The following CACNG2 variants were observed in gnomAD, a reference collection of about 807,000 sequenced individuals.
CACNG2 encodes calcium voltage-gated channel auxiliary subunit gamma 2.
Under a neutral mutation model 25.9 loss-of-function variants are expected in CACNG2, and 3 were observed. The observed-to-expected ratio is 0.12, with a 90% CI of 0.05 to 0.30. The LOEUF is 0.30. Among genes scored for constraint, CACNG2 ranks in the 10% least tolerant of loss-of-function variants. The pLI, the probability that CACNG2 is intolerant of heterozygous loss-of-function variation, is 1.00. For missense variants in CACNG2, 341 were observed against 432.5 expected (o/e 0.79, Z 1.88); for synonymous variants, 167 against 173.3 (o/e 0.96, Z 0.29).
At position 36,594,667 on chromosome 22, in the gene CACNG2, G is replaced by C. The variant is rs116118862; in HGVS notation, c.212-7119C>G. 5.4e-3 allele frequency among the ~76,000 whole-genome samples: 828 copies of C among 152,150 alleles called. 11 individuals carry two copies. The highest frequency in any genetic ancestry group is 0.019 in the African/African-American group (806 of 41,488). On this transcript the variant is annotated intron_variant, in intron 1 of 3. Transcript: ENST00000300105. ...AGTCAGCCTGATGAAGCAGGGAGGGGTCCGTGTATGCCCGCGTGTGTGTCT... is the reference window on the plus strand; with the variant it reads ...AGTCAGCCTGATGAAGCAGGGAGGGCTCCGTGTATGCCCGCGTGTGTGTCT...
intron 2 of CACNG2, among the ~76,000 whole-genome samples, chr22:36,571,856 G>A (rs553428244): frequency 7.8e-4 from 115 of 146,644 alleles, no homozygotes; most frequent in African/African-American, 2.7e-3. Flanking sequence ...CAGCCTGGGC[G>A]TCACAGCAAG....
intron 1 of CACNG2, among the ~76,000 whole-genome samples, chr22:36,588,113 G>GC (rs1322097829): frequency 6.6e-6 from 1 of 152,176 alleles, no homozygotes; most frequent in Non-Finnish European, 1.5e-5. Flanking sequence ...AGGAAGTTGA[G>GC]CCCCCTGGGG....
At chr22:36,634,497 T>A (rs1936325199) in intron 1 of CACNG2, among the ~76,000 whole-genome samples, 1 of 152,210 alleles carries the variant, frequency 6.6e-6, no homozygotes, top group South Asian at 2.1e-4. Context: ...TAAACTTCTA[T>A]GAATCGAGCC....
chr22:36,564,964 C>CGTAAAGGACGGGGACAGCT lies in CACNG2; in HGVS notation c.437-97_437-79dup. 7.4e-7 allele frequency: 1 copy of CGTAAAGGACGGGGACAGCT among 1,356,820 alleles called. No individual in the cohort carries two copies. Among genetic ancestry groups the CGTAAAGGACGGGGACAGCT allele is most frequent in the Non-Finnish European group, 1.0e-6 (1 of 961,122 alleles). 84.0% of individuals were successfully genotyped at this position (1,356,820 alleles called of 1,614,324 possible). On this transcript the variant is annotated intron_variant, in intron 3 of 3. Transcript: ENST00000300105. The surrounding 1 kb of genome is among the most constrained non-coding windows in gnomAD (Gnocchi z 6.7). ...CTCAGGAAGTCGGCCACAGGGCAGC[C>CGTAAAGGACGGGGACAGCT]GTAAAGGACGGGGACAGCTGTGTGG... is the stretch of plus-strand genomic sequence containing the variant.
rs755164929 is a variant in CACNG2, at chr22:36,564,499, C to T, written c.824G>A (p.Arg275Lys). Residue 275 changes from arginine (R) to lysine (K), a missense_variant, in exon 4 of 4, where the codon AGG becomes AAG. Arg to Lys is a conservative substitution (Grantham distance 26). Around this residue, in one of 2 missense-constraint regions of CACNG2, gnomAD observed 172 missense variants for 178.1 expected, o/e 0.97. Coordinates refer to ENST00000300105, the MANE Select transcript of CACNG2 (RefSeq NM_006078.5). The surrounding 1 kb of genome is among the most constrained non-coding windows in gnomAD (Gnocchi z 6.7). ...CGTGGTGGCGGCCTTCAGGGGGTCCCTGCTGAGCGTGTACATGGAGATCTC... is the reference window on the plus strand; with the variant it reads ...CGTGGTGGCGGCCTTCAGGGGGTCCTTGCTGAGCGTGTACATGGAGATCTC... ...STEISMYTLS[R>K]DPLKAATTPT... The T allele has an allele frequency of 1.9e-6, 3 of 1,614,008 alleles. No homozygotes were observed. The highest frequency in any genetic ancestry group is 2.5e-6 in the Non-Finnish European group (3 of 1,179,996).
intron 1 of CACNG2, among the ~76,000 whole-genome samples, chr22:36,629,909 A>G (rs1936242504): frequency 6.6e-6 from 1 of 152,198 alleles, no homozygotes; most frequent in Non-Finnish European, 1.5e-5. Context: ...ACAGGAAGGA[A>G]TAATGTGATG....
In CACNG2 at chr22:36,673,174, C is replaced by T. The variant is rs143039458; in HGVS notation, c.211+29192G>A. ...CCAGGAAGTGGAGGCTGCAGTGAGCCAGGATTGTGCCACTGCACTCCAGCC... is the reference window on the plus strand; with the variant it reads ...CCAGGAAGTGGAGGCTGCAGTGAGCTAGGATTGTGCCACTGCACTCCAGCC... On this transcript the variant is annotated intron_variant, in intron 1 of 3. Transcript: ENST00000300105. Among the ~76,000 whole-genome samples the T allele has an allele frequency of 3.2e-3, 481 of 152,258 alleles. 4 individuals are homozygous for T. The highest frequency in any genetic ancestry group is 0.011 in the African/African-American group (457 of 41,546).
chr22:36,616,093 C>T (rs1456033163), intron 1 of CACNG2, among the ~76,000 whole-genome samples: 1 of 152,108 alleles, frequency 6.6e-6, no homozygotes, highest in Admixed American at 6.5e-5. Flanking sequence ...ATCTCGTGTC[C>T]CTTGAGTGAC....
At chr22:36,655,202 CTT>C (rs1359873200) in intron 1 of CACNG2, among the ~76,000 whole-genome samples, 1 of 152,122 alleles carries the variant, frequency 6.6e-6, no homozygotes, top group African/African-American at 2.4e-5. Context: ...ATATGTGACT[CTT>C]TGCAGAACTG....
intron 1 of CACNG2, among the ~76,000 whole-genome samples, chr22:36,646,750 C>T (rs188405110): frequency 1.3e-5 from 2 of 151,792 alleles, no homozygotes; most frequent in East Asian, 3.9e-4. Flanking sequence ...TCCCCCTGGG[C>T]TCCCCACAAC....
rs150567528 is a variant in CACNG2, at chr22:36,577,120, A to G, written c.295+10345T>C. Among the ~76,000 whole-genome samples the G allele has an allele frequency of 7.0e-3, 1,062 of 152,244 alleles. 15 individuals carry two copies. Among genetic ancestry groups the G allele is most frequent in the African/African-American group, 0.024 (988 of 41,528 alleles). On this transcript the variant is annotated intron_variant, in intron 2 of 3. Coordinates refer to ENST00000300105, the MANE Select transcript of CACNG2 (RefSeq NM_006078.5). Reference sequence around the variant, plus strand: ...GCCCCCTCTGCCATATGGAGATCACAAGCACACTTAGCTCACAGGGTGCTA... The same window carrying G: ...GCCCCCTCTGCCATATGGAGATCACGAGCACACTTAGCTCACAGGGTGCTA...
intron 1 of CACNG2, among the ~76,000 whole-genome samples, chr22:36,660,032 C>T (rs1050611701): frequency 6.6e-6 from 1 of 152,240 alleles, no homozygotes; most frequent in Admixed American, 6.5e-5. Flanking sequence ...GGACAATCCC[C>T]CCACGACTCT....
chr22:36,644,889 C>T (rs1383847152), intron 1 of CACNG2, among the ~76,000 whole-genome samples: 3 of 152,038 alleles, frequency 2.0e-5, no homozygotes, highest in South Asian at 2.1e-4. Flanking sequence ...TCTAGGATGA[C>T]GAACCTGGCA....
At chr22:36,607,905 C>A (rs1935869227) in intron 1 of CACNG2, among the ~76,000 whole-genome samples, 1 of 152,218 alleles carries the variant, frequency 6.6e-6, no homozygotes, top group African/African-American at 2.4e-5. Flanking sequence ...CCATTTCACT[C>A]TGGACAGCAG....
rs1304757528 is a variant in CACNG2, at chr22:36,582,402, C to CT, written c.295+5062dup. ...CCTTTGCACTTGCTGTTTGCTCTTT[C>CT]TTTCTTTCTTTTTTTTTTTTGAGAC... On this transcript the variant is annotated intron_variant, in intron 2 of 3. Transcript: ENST00000300105. Among the ~76,000 whole-genome samples the CT allele has an allele frequency of 8.1e-5, 11 of 136,220 alleles. 2 individuals carry two copies. The highest frequency in any genetic ancestry group is 8.0e-5 in the Non-Finnish European group (5 of 62,546). 89.4% of individuals were successfully genotyped at this position (136,220 alleles called of 152,430 possible). A position where few individuals can be genotyped will look rare whatever the true frequency, so the allele number is the denominator to read the frequency against.
chr22:36,700,865 C>A (rs1371451880), intron 1 of CACNG2, among the ~76,000 whole-genome samples: 1 of 152,182 alleles, frequency 6.6e-6, no homozygotes, highest in South Asian at 2.1e-4. Context: ...AATAGACCAT[C>A]GCTCAATGAA....
Position 36,568,130 on chromosome 22 carries a change from G to A in CACNG2, c.296-1637C>T, listed in dbSNP as rs534633135. On this transcript the variant is annotated intron_variant, in intron 2 of 3. Transcript: ENST00000300105. ...CCCAAAGTGCTGGGATTACAGGCTT[G>A]AGCCACCGTGCCTGGCCAAAGATGT... 5.3e-5 allele frequency among the ~76,000 whole-genome samples: 8 copies of A among 152,090 alleles called. No individual in the cohort carries two copies. The South Asian group carries it at 1.5e-3, about 28-fold the overall frequency.
rs563842084 is a variant in CACNG2 at position 36,631,028 on chromosome 22, A to G, written c.212-43480T>C. On this transcript the variant is annotated intron_variant, in intron 1 of 3. Transcript: ENST00000300105. ...GTATTTTTAGTAGAGACGGGGTTTC[A>G]CTATGTTGGCCAGGCTGTTCTCGAA... 7.2e-5 allele frequency among the ~76,000 whole-genome samples: 11 copies of G among 152,172 alleles called. 1 individual carries two copies. In the South Asian group the frequency reaches 2.3e-3, roughly 32 times the overall value.
intron 1 of CACNG2, among the ~76,000 whole-genome samples, chr22:36,676,379 A>G (rs867605126): frequency 6.6e-6 from 1 of 152,186 alleles, no homozygotes; most frequent in Admixed American, 6.5e-5. Flanking sequence ...CCTGGAACTA[A>G]TGCAAATGAC....
Sources: allele counts gnomAD v4.1 joint callset (sites outside exome capture counted in the v4.1 genomes callset), GRCh38; gene constraint gnomAD v4.1.1; regional missense constraint gnomAD v4.1.1; non-coding constraint Gnocchi (gnomAD v3.1); transcripts MANE v1.5; gene names NCBI Gene and HGNC (gene_info 2026-07-23, HGNC 2026-07-21).